The following ARID4B variants were observed in gnomAD, a reference collection of about 807,000 sequenced individuals.
ARID4B encodes the protein AT-rich interaction domain 4B.
ARID4B carries 26 observed loss-of-function variants against 147.5 expected under a neutral mutation model. That is an observed-to-expected ratio of 0.18 (90% CI 0.13 to 0.24). The LOEUF (loss-of-function observed/expected upper bound fraction) is 0.24. ARID4B is among the 10% of genes least tolerant of loss of function. The pLI is 1.00. For synonymous variants in ARID4B, 512 were observed against 507.9 expected, an observed-to-expected ratio of 1.01 and a Z score of -0.11; for missense variants, 1,179 against 1,511.5, an observed-to-expected ratio of 0.78 and a Z score of 3.65.
chr1:235,326,938 G>T lies in ARID4B; in HGVS notation c.-19C>A, dbSNP rs766621882. On this transcript the variant is annotated 5_prime_UTR_variant, in exon 2 of 24. Transcript: ENST00000264183. ...CCTTCATGATGACTCTGGGACCAAG[G>T]TATCCTCTAAAACACCAGGTTCAGC... The T allele has an allele frequency of 1.8e-5, 29 of 1,613,674 alleles. No individual in the cohort carries two copies. The highest frequency in any genetic ancestry group is 2.3e-5 in the Non-Finnish European group (27 of 1,179,782).
chr1:235,200,797 C>A (rs1413433744), intron 17 of ARID4B, among the ~76,000 whole-genome samples: 1 of 152,052 alleles, frequency 6.6e-6, no homozygotes, highest in African/African-American at 2.4e-5. Context: ...ATAGTCAATG[C>A]AGATAGAAAA....
At chr1:235,296,977 G>A (rs879517351) in intron 2 of ARID4B, among the ~76,000 whole-genome samples, 1 of 151,960 alleles carries the variant, frequency 6.6e-6, no homozygotes, top group Non-Finnish European at 1.5e-5. Context: ...TTTCCCACTT[G>A]AGAAAACCAG....
intron 17 of ARID4B, among the ~76,000 whole-genome samples, chr1:235,203,418 T>TA (rs1300698874): frequency 1.3e-5 from 2 of 152,178 alleles, no homozygotes; most frequent in Non-Finnish European, 2.9e-5. Context: ...AGCACAGTCT[T>TA]AAGAGATTTA....
rs1558167710 is a variant in ARID4B at position 235,175,214 on chromosome 1, G to T, written c.3634C>A (p.Pro1212Thr). 4 of 1,614,126 alleles carry T rather than the reference G, an allele frequency of 2.5e-6. No individual in the cohort carries two copies. Among genetic ancestry groups the T allele is most frequent in the Non-Finnish European group, 8.5e-7 (1 of 1,179,990 alleles). The change falls in exon 22 of 24, where the codon CCC (proline) becomes ACC (threonine). Residue 1212 changes from proline (P) to threonine (T), a missense_variant. By Grantham distance (38) the Pro-to-Thr change is conservative. Around this residue, in one of 10 missense-constraint regions of ARID4B, gnomAD observed 357 missense variants for 427.3 expected, o/e 0.84. Transcript: ENST00000264183. Reference sequence around the variant, plus strand: ...TGAAAACTCCATTTGTAAACTTTGGGTAATCGATTACTGGGTTCCTTGAGA... The same window carrying T: ...TGAAAACTCCATTTGTAAACTTTGGTTAATCGATTACTGGGTTCCTTGAGA... ...PDLKEPSNRL[P>T]KVYKWSFQMS...
At chr1:235,247,648 T>C (rs1238320348) in intron 6 of ARID4B, among the ~76,000 whole-genome samples, 1 of 152,172 alleles carries the variant, frequency 6.6e-6, no homozygotes, top group Non-Finnish European at 1.5e-5. Flanking sequence ...ATTTAGTTTG[T>C]ACAGAACCTA....
intron 4 of ARID4B, 116 bp downstream of exon 4, chr1:235,257,044 A>T: frequency 1.3e-6 from 1 of 745,212 alleles, no homozygotes; most frequent in Non-Finnish European, 2.2e-6. Context: ...GTCTTTTTAG[A>T]GAAAATTACA....
intron 17 of ARID4B, among the ~76,000 whole-genome samples, chr1:235,209,952 G>A (rs1226910595): frequency 6.6e-6 from 1 of 152,126 alleles, no homozygotes; most frequent in African/African-American, 2.4e-5. Context: ...TCATGGCCAG[G>A]AGCATTGGTT....
intron 4 of ARID4B, 93 bp downstream of exon 4, chr1:235,257,067 C>T: frequency 1.2e-6 from 1 of 844,718 alleles, no homozygotes; most frequent in South Asian, 1.5e-5. Flanking sequence ...TTGAATTTAT[C>T]AACTCAATAA....
rs186665978 is a variant in ARID4B at position 235,238,947 on chromosome 1, A to G, written c.585+1366T>C. 1.1e-3 allele frequency among the ~76,000 whole-genome samples: 161 copies of G among 151,394 alleles called. 1 individual carries two copies. The highest frequency in any genetic ancestry group is 2.0e-3 in the Non-Finnish European group (135 of 67,840). On this transcript the variant is annotated intron_variant, in intron 8 of 23. Coordinates refer to ENST00000264183, the MANE Select transcript of ARID4B (RefSeq NM_016374.6). ...CATCATAGGACAATTCAGACATATC[A>G]AAATTTTAAAGAGTTCAAGATAATT...
chr1:235,286,585 G>C (rs115795928), intron 2 of ARID4B, among the ~76,000 whole-genome samples: 338 of 152,318 alleles, frequency 2.2e-3, no homozygotes, highest in Non-Finnish European at 3.6e-3. Flanking sequence ...AAAGAATTCT[G>C]ATGGGTTGAA....
chr1:235,325,750 T>C (rs1429864360), intron 2 of ARID4B, among the ~76,000 whole-genome samples: 1 of 152,160 alleles, frequency 6.6e-6, no homozygotes, highest in Non-Finnish European at 1.5e-5. Context: ...GAATAAACTG[T>C]TTCAGGTAGT....
chr1:235,260,858 T>C (rs1275788591), intron 2 of ARID4B, 106 bp from the exon 3 acceptor site: 5 of 705,160 alleles, frequency 7.1e-6, no homozygotes, highest in Non-Finnish European at 1.2e-5. Flanking sequence ...CAGTTATAAA[T>C]ATGAAATGTA....
At chr1:235,232,864 T>A (rs975584619) in intron 9 of ARID4B, among the ~76,000 whole-genome samples, 13 of 152,046 alleles carry the variant, frequency 8.6e-5, no homozygotes, top group African/African-American at 3.1e-4. Context: ...TGAGATGGAA[T>A]CTTGTTGTTG....
In ARID4B at chr1:235,171,892, G is replaced by A. The variant is rs188716681; in HGVS notation, c.3811+726C>T. ...CCTGACCTCAGGCAATCCACCCACCGCAGCCTCCCAAAGTGCTGGGATTAC... is the reference window on the plus strand; with the variant it reads ...CCTGACCTCAGGCAATCCACCCACCACAGCCTCCCAAAGTGCTGGGATTAC... On this transcript the variant is annotated intron_variant, in intron 23 of 23. Coordinates refer to ENST00000264183, the MANE Select transcript of ARID4B (RefSeq NM_016374.6). 1.6e-4 allele frequency among the ~76,000 whole-genome samples: 25 copies of A among 152,002 alleles called. No individual in the cohort carries two copies. The East Asian group carries it at 3.5e-3, about 21-fold the overall frequency.
chr1:235,177,982 C>T (rs1664011959), intron 20 of ARID4B, 69 bp from the exon 21 acceptor site: 1 of 883,850 alleles, frequency 1.1e-6, no homozygotes, highest in Non-Finnish European at 1.7e-6. Context: ...ATTAATTCCA[C>T]ATTTTAGAAA....
chr1:235,200,425 T>G (rs61836127), intron 17 of ARID4B, among the ~76,000 whole-genome samples: 41,486 of 152,082 alleles, frequency 0.27, 7,233 homozygotes, highest in South Asian at 0.53. Flanking sequence ...CATGCCACGG[T>G]ACCCTAGCCT....
chr1:235,181,881 C>T lies in ARID4B; in HGVS notation c.3038G>A (p.Ser1013Asn). 6.2e-7 allele frequency: 1 copy of T among 1,614,174 alleles called. No homozygotes were observed. Residue 1013 changes from serine to asparagine, a missense_variant, in exon 20 of 24, where the codon AGT (serine) becomes AAT (asparagine). Ser to Asn is a conservative substitution (Grantham distance 46, BLOSUM62 1). Around this residue, in one of 10 missense-constraint regions of ARID4B, gnomAD observed 357 missense variants for 427.3 expected, o/e 0.84. Transcript: ENST00000264183. ...EVNDRKAEFPSSGSNSVLNTP... is the reference protein window; with the variant it reads ...EVNDRKAEFPNSGSNSVLNTP... ...ATTTAGCACTGAATTACTGCCACTA[C>T]TTGGAAATTCTGCTTTTCTGTCATT...
intron 2 of ARID4B, among the ~76,000 whole-genome samples, chr1:235,297,506 G>GT (rs1672821887): frequency 1.3e-5 from 2 of 152,116 alleles, no homozygotes; most frequent in Admixed American, 1.3e-4. Context: ...CAAAATCACC[G>GT]TTTTGCAATC....
At chr1:235,172,816 T>C in intron 22 of ARID4B, 52 bp from the exon 23 acceptor site, 1 of 1,384,988 alleles carries the variant, frequency 7.2e-7, no homozygotes, top group Non-Finnish European at 9.6e-7. Context: ...AATTTTAACA[T>C]ACAAAAAGGA....
Sources: gnomAD v4.1 joint callset for allele counts (sites outside exome capture counted in the v4.1 genomes callset) on GRCh38, gnomAD v4.1.1 for gene constraint, gnomAD v4.1.1 regional missense constraint, MANE v1.5 for transcripts, NCBI Gene and HGNC (gene_info 2026-07-23, HGNC 2026-07-21) for gene names.